Variants in BCKDHB observed in about 807,000 individuals in gnomAD.
The protein encoded by BCKDHB is 2-oxoisovalerate dehydrogenase subunit beta, mitochondrial.
A neutral mutation model predicts 48.5 loss-of-function variants in BCKDHB; 41 were observed. That is an observed-to-expected ratio of 0.85 (90% CI 0.66 to 1.10). The LOEUF (loss-of-function observed/expected upper bound fraction) is 1.10. Ranked by LOEUF, BCKDHB falls within the 50% of genes least tolerant of loss-of-function variation. The pLI is 0.00. For missense variants in BCKDHB, 496 were observed against 494.2 expected, an observed-to-expected ratio of 1.00 and a Z score of -0.03; for synonymous variants, 201 against 174.8, an observed-to-expected ratio of 1.15 and a Z score of -1.18.
At chr6:80,432,764 G>T in the BCKDHB span, among the ~76,000 whole-genome samples, 2 of 152,114 alleles carry the variant, frequency 1.3e-5, no homozygotes, top group African/African-American at 4.8e-5. Flanking sequence ...AGGCATTCTG[G>T]TTTTTGGAAT....
At chr6:80,217,020 A>T (rs968731349) in intron 8 of BCKDHB, among the ~76,000 whole-genome samples, 2 of 152,084 alleles carry the variant, frequency 1.3e-5, no homozygotes, top group African/African-American at 4.8e-5. Flanking sequence ...AGGCGGGTGG[A>T]TCACTTGAGG....
At chr6:80,220,581 A>G (rs910376633) in intron 8 of BCKDHB, among the ~76,000 whole-genome samples, 9 of 151,742 alleles carry the variant, frequency 5.9e-5, no homozygotes, top group Admixed American at 5.9e-4. Flanking sequence ...GGGTAAATGA[A>G]TGAGAAGTTC....
intron 9 of BCKDHB, among the ~76,000 whole-genome samples, chr6:80,279,319 A>G (rs958753012): frequency 6.6e-6 from 1 of 151,508 alleles, no homozygotes. Context: ...ACGCCCATCT[A>G]ATTTTTTGTA....
chr6:80,119,568 C>A (rs897713296), intron 1 of BCKDHB, among the ~76,000 whole-genome samples: 1 of 151,776 alleles, frequency 6.6e-6, no homozygotes, highest in Non-Finnish European at 1.5e-5. Flanking sequence ...TGATCCGCAC[C>A]CCCCTTGGCC....
chr6:80,439,772 T>C, the BCKDHB span, among the ~76,000 whole-genome samples: 3 of 152,196 alleles, frequency 2.0e-5, no homozygotes, highest in Admixed American at 2.0e-4. Context: ...ATTCTAAAGC[T>C]GGGCCTGGGA....
At chr6:80,337,877 T>C (rs751274912) in intron 9 of BCKDHB, among the ~76,000 whole-genome samples, 7 of 152,218 alleles carry the variant, frequency 4.6e-5, no homozygotes, top group Non-Finnish European at 7.3e-5. Flanking sequence ...TATGATATGT[T>C]TCTTAGTACA....
At chr6:80,369,480 C>T in the BCKDHB span, among the ~76,000 whole-genome samples, 1 of 152,182 alleles carries the variant, frequency 6.6e-6, no homozygotes, top group Admixed American at 6.5e-5. Flanking sequence ...TTATTTCAAA[C>T]CTCATGATGA....
At chr6:80,177,556 A>T (rs1773223860) in intron 6 of BCKDHB, among the ~76,000 whole-genome samples, 1 of 152,114 alleles carries the variant, frequency 6.6e-6, no homozygotes, top group Admixed American at 6.6e-5. Flanking sequence ...TGTTTTTCCT[A>T]ATAATATTTA....
the BCKDHB span, among the ~76,000 whole-genome samples, chr6:80,391,265 C>T: frequency 1.3e-5 from 2 of 151,676 alleles, no homozygotes; most frequent in African/African-American, 2.4e-5. Flanking sequence ...ATGGTGTCTC[C>T]AAAGATATGC....
the BCKDHB span, among the ~76,000 whole-genome samples, chr6:80,366,757 C>A: frequency 1.3e-5 from 2 of 152,144 alleles, no homozygotes; most frequent in South Asian, 4.1e-4. Context: ...CATTAATATT[C>A]TTTTTTCACT....
chr6:80,223,921 A>G (rs1023152451), intron 8 of BCKDHB, among the ~76,000 whole-genome samples: 6 of 152,162 alleles, frequency 3.9e-5, no homozygotes, highest in African/African-American at 1.2e-4. Context: ...CTAGTTTCTC[A>G]TTAGTATTTC....
At chr6:80,194,713 T>C (rs1774056040) in intron 6 of BCKDHB, among the ~76,000 whole-genome samples, 1 of 152,344 alleles carries the variant, frequency 6.6e-6, no homozygotes, top group South Asian at 2.1e-4. Flanking sequence ...TATGAGATGA[T>C]GTTTACTTGT....
rs75097634 is a variant in BCKDHB, at chr6:80,157,157, A to G, written c.344-10521A>G. On this transcript the variant is annotated intron_variant, in intron 3 of 9. Coordinates refer to ENST00000320393, the MANE Select transcript of BCKDHB (RefSeq NM_183050.4). Reference sequence around the variant, plus strand: ...CCTTCAACTAGATGTTTTCTATTTCATTTTCTATGGGTTGCTTAAAATTGT... The same window carrying G: ...CCTTCAACTAGATGTTTTCTATTTCGTTTTCTATGGGTTGCTTAAAATTGT... 9.1e-3 allele frequency among the ~76,000 whole-genome samples: 1,388 copies of G among 151,796 alleles called. 28 individuals carry two copies. Among genetic ancestry groups the G allele is most frequent in the African/African-American group, 0.031 (1,298 of 41,382 alleles).
chr6:80,312,396 C>G (rs1285735614), intron 9 of BCKDHB, among the ~76,000 whole-genome samples: 1 of 152,128 alleles, frequency 6.6e-6, no homozygotes, highest in South Asian at 2.1e-4. Flanking sequence ...CTTCCTCTCT[C>G]TTTATTTGAA....
chr6:80,437,953 G>A, the BCKDHB span, among the ~76,000 whole-genome samples: 1 of 152,180 alleles, frequency 6.6e-6, no homozygotes, highest in African/African-American at 2.4e-5. Context: ...TAACCTTGGT[G>A]CACTGTCTTC....
At chr6:80,312,833 A>G (rs1436636173) in intron 9 of BCKDHB, among the ~76,000 whole-genome samples, 3 of 152,210 alleles carry the variant, frequency 2.0e-5, no homozygotes, top group Admixed American at 1.3e-4. Flanking sequence ...TTGGTTTGCC[A>G]GCATTTTATT....
intron 8 of BCKDHB, among the ~76,000 whole-genome samples, chr6:80,263,170 G>C (rs2127952878): frequency 6.6e-6 from 1 of 152,206 alleles, no homozygotes; most frequent in South Asian, 2.1e-4. Flanking sequence ...TTGTGCCACT[G>C]CTCTCCATTG....
the BCKDHB span, among the ~76,000 whole-genome samples, chr6:80,424,860 G>A: frequency 6.6e-6 from 1 of 152,194 alleles, no homozygotes; most frequent in Non-Finnish European, 1.5e-5. Flanking sequence ...CCATTGCTAG[G>A]TTCCTAGCAT....
At chr6:80,222,087 G>A (rs1185230533) in intron 8 of BCKDHB, among the ~76,000 whole-genome samples, 2 of 152,160 alleles carry the variant, frequency 1.3e-5, no homozygotes, top group African/African-American at 4.8e-5. Flanking sequence ...ATTGTACCCA[G>A]TGGGTAATTT....
Sources: allele counts gnomAD v4.1 joint callset (sites outside exome capture counted in the v4.1 genomes callset), GRCh38; gene constraint gnomAD v4.1.1; transcripts MANE v1.5; gene names NCBI Gene and HGNC (gene_info 2026-07-23, HGNC 2026-07-21).